Variants in MAP4K5 observed in about 807,000 individuals in gnomAD.
The protein encoded by MAP4K5 is mitogen-activated protein kinase kinase kinase kinase 5.
In MAP4K5, 82 loss-of-function variants were observed where a neutral mutation model predicts 135.6. That is an observed-to-expected ratio of 0.60 (90% CI 0.51 to 0.73). The LOEUF (loss-of-function observed/expected upper bound fraction) is 0.73, where lower values mean the gene tolerates loss of function less well. Among genes scored for constraint, MAP4K5 ranks in the 30% least tolerant of loss-of-function variants. MAP4K5 has a pLI of 0.00. For synonymous variants in MAP4K5, 347 were observed against 335.0 expected (o/e 1.04, Z -0.39); for missense variants, 907 against 1,010.9 (o/e 0.90, Z 1.39).
chr14:50,445,189 C>G lies in MAP4K5; in HGVS notation c.1191G>C (p.Arg397Ser), dbSNP rs1391387106. 4 of 1,612,896 alleles carry G rather than the reference C, an allele frequency of 2.5e-6. 1 individual carries two copies. The South Asian group carries it at 4.4e-5, about 18-fold the overall frequency. The change falls in exon 18 of 33, where the codon AGG (arginine) becomes AGC (serine). Residue 397 changes from arginine to serine, a missense_variant. Physicochemically the swap from Arg to Ser is moderately radical, Grantham distance 110. Transcript: ENST00000682126. ...AGTTGTCTTCAGGGTAACTGCTTAT[C>G]CTTGGCTAGTGGTACAAAGACAAAA... is the stretch of plus-strand genomic sequence containing the variant. The part of the protein sequence containing the change: ...AIPPPLPPKP[R>S]ISSYPEDNFP...
At position 50,482,364 on chromosome 14, in the gene MAP4K5, T is replaced by C. The variant is rs748050438; in HGVS notation, c.375A>G (p.Leu125=). ...LQIAYVCRET[L]QGLAYLHTKG... ...CTATATTAAGAAAATATAGTACCTG[T>C]AAGGTTTCTCTGCATACATAGGCTA... Residue 125 remains leucine, a synonymous_variant, in exon 6 of 33, where the codon TTA becomes TTG. Coordinates refer to ENST00000682126, the MANE Select transcript of MAP4K5 (RefSeq NM_006575.6). 5 of 1,505,436 alleles carry C rather than the reference T, an allele frequency of 3.3e-6. No individual in the cohort carries two copies. The highest frequency in any genetic ancestry group is 4.4e-6 in the Non-Finnish European group (5 of 1,127,878). The allele number at this position is 1,505,436 out of a possible 1,614,324, so 93.3% of individuals were successfully genotyped here.
intron 2 of MAP4K5, among the ~76,000 whole-genome samples, chr14:50,524,713 C>G (rs1189910271): frequency 6.6e-6 from 1 of 151,638 alleles, no homozygotes; most frequent in African/African-American, 2.4e-5. Flanking sequence ...ATCTGAAAGA[C>G]AGAGAGTAGA....
chr14:50,458,177 CTTCACA>C (rs2036632147), intron 13 of MAP4K5, among the ~76,000 whole-genome samples: 1 of 152,144 alleles, frequency 6.6e-6, no homozygotes, highest in Admixed American at 6.5e-5. Flanking sequence ...TCACCACTTA[CTTCACA>C]GAGAAAATAG....
At chr14:50,555,131 T>G (rs1336383657) in intron 1 of MAP4K5, among the ~76,000 whole-genome samples, 1 of 152,238 alleles carries the variant, frequency 6.6e-6, no homozygotes, top group Non-Finnish European at 1.5e-5. Flanking sequence ...TATATTCACT[T>G]CTTCCCTTTT....
chr14:50,444,511 G>A (rs530766794), intron 18 of MAP4K5, among the ~76,000 whole-genome samples: 1 of 152,210 alleles, frequency 6.6e-6, no homozygotes, highest in Non-Finnish European at 1.5e-5. Context: ...CACTTTGGGA[G>A]GCTGGGGCAG....
chr14:50,495,522 A>G (rs532899034), intron 3 of MAP4K5, among the ~76,000 whole-genome samples: 27 of 152,360 alleles, frequency 1.8e-4, no homozygotes, highest in Admixed American at 3.9e-4. Context: ...TCAACAAATT[A>G]AAGGTGGAAC....
In MAP4K5 at chr14:50,482,363, G is replaced by C; in HGVS notation, c.376C>G (p.Gln126Glu). Residue 126 changes from glutamine to glutamate, a missense_variant and splice_region_variant, in exon 6 of 33, where the codon CAG becomes GAG. Gln to Glu is a conservative substitution (Grantham distance 29). Transcript: ENST00000682126. ...QIAYVCRETL[Q>E]GLAYLHTKGK... is the part of the protein sequence containing the mutation. ...ACTATATTAAGAAAATATAGTACCT[G>C]TAAGGTTTCTCTGCATACATAGGCT... The C allele has an allele frequency of 6.7e-7, 1 of 1,503,192 alleles. No homozygotes were observed. Among genetic ancestry groups the C allele is most frequent in the Non-Finnish European group, 8.9e-7 (1 of 1,126,442 alleles). The allele number at this position is 1,503,192 out of a possible 1,614,324, so 93.1% of individuals were successfully genotyped here. A position where few individuals can be genotyped will look rare whatever the true frequency, so the allele number is the denominator to read the frequency against.
chr14:50,443,915 T>C (rs1372665231), intron 19 of MAP4K5, 24 bp downstream of exon 19: 2 of 1,554,520 alleles, frequency 1.3e-6, no homozygotes, highest in Non-Finnish European at 8.8e-7. Context: ...TTACAACTAA[T>C]TGCTAAATGC....
intron 14 of MAP4K5, chr14:50,449,780 T>C (rs1179188459): frequency 1.3e-5 from 2 of 152,192 alleles, no homozygotes; most frequent in African/African-American, 2.4e-5. Context: ...TTAAAAAACA[T>C]CTGAATTCAA....
At chr14:50,503,027 T>C (rs746410179) in intron 3 of MAP4K5, among the ~76,000 whole-genome samples, 10 of 150,790 alleles carry the variant, frequency 6.6e-5, no homozygotes, top group Non-Finnish European at 1.3e-4. Flanking sequence ...TACAAGGAAA[T>C]GGGGAATAGA....
At chr14:50,534,676 T>C (rs982581163), upstream of MAP4K5, among the ~76,000 whole-genome samples, 3 of 152,246 alleles carry the variant, frequency 2.0e-5, no homozygotes, top group Non-Finnish European at 4.4e-5. Context: ...GTCAAGACTC[T>C]ATGTGGTGGT....
At chr14:50,492,463 G>C (rs530245831) in intron 3 of MAP4K5, among the ~76,000 whole-genome samples, 1 of 152,010 alleles carries the variant, frequency 6.6e-6, no homozygotes, top group Admixed American at 6.6e-5. Context: ...ATGTGCTGGC[G>C]TGTGCCTGTA....
At chr14:50,467,604 T>C (rs2036861679) in intron 10 of MAP4K5, among the ~76,000 whole-genome samples, 1 of 152,114 alleles carries the variant, frequency 6.6e-6, no homozygotes, top group Non-Finnish European at 1.5e-5. Context: ...TATTTAGATT[T>C]TTTCCCTTGT....
At chr14:50,495,108 G>A (rs910245604) in intron 3 of MAP4K5, among the ~76,000 whole-genome samples, 16 of 152,060 alleles carry the variant, frequency 1.1e-4, no homozygotes, top group Non-Finnish European at 2.4e-4. Flanking sequence ...GTTCACCAAA[G>A]GACAAAATCA....
chr14:50,554,936 G>C (rs542615471), intron 1 of MAP4K5, among the ~76,000 whole-genome samples: 1 of 152,092 alleles, frequency 6.6e-6, no homozygotes. Context: ...GTGCACCTTT[G>C]TCTTTTTGGC....
At chr14:50,499,478 C>T (rs1360689967) in intron 3 of MAP4K5, among the ~76,000 whole-genome samples, 2 of 151,826 alleles carry the variant, frequency 1.3e-5, no homozygotes, top group African/African-American at 2.4e-5. Context: ...GACAACATGG[C>T]GAAACTCTGT....
intron 14 of MAP4K5, chr14:50,449,068 A>C: frequency 2.3e-6 from 1 of 439,904 alleles, no homozygotes; most frequent in Non-Finnish European, 4.0e-6. Context: ...TCAGGAAATT[A>C]AACAGTTCTT....
chr14:50,451,610 T>C (rs1365004162), intron 14 of MAP4K5, among the ~76,000 whole-genome samples: 1 of 152,064 alleles, frequency 6.6e-6, no homozygotes. Flanking sequence ...AATTGGGTTA[T>C]AATTGGCAGC....
intron 6 of MAP4K5, 41 bp downstream of exon 6, chr14:50,482,320 C>G: frequency 8.3e-7 from 1 of 1,211,120 alleles, no homozygotes; most frequent in East Asian, 2.9e-5. Flanking sequence ...GAAAATATTG[C>G]CTAGAATTGC....
Sources: gnomAD v4.1 joint callset for allele counts (sites outside exome capture counted in the v4.1 genomes callset) on GRCh38, gnomAD v4.1.1 for gene constraint, MANE v1.5 for transcripts, NCBI Gene and HGNC (gene_info 2026-07-23, HGNC 2026-07-21) for gene names.